The following TRDN variants were observed in gnomAD, a reference collection of about 807,000 sequenced individuals.
TRDN encodes triadin in skeletal muscle.
Under a neutral mutation model 149.7 loss-of-function variants are expected in TRDN, and 161 were observed. The ratio of observed to expected loss-of-function variants is 1.08; its 90% CI spans 0.95 to 1.23. The LOEUF (loss-of-function observed/expected upper bound fraction) is 1.23, where lower values mean the gene tolerates loss of function less well. Among genes scored for constraint, TRDN ranks in the 50% most tolerant of loss-of-function variants. The pLI is 0.00. For synonymous variants in TRDN, 294 were observed against 250.5 expected (o/e 1.17, Z -1.64); for missense variants, 896 against 823.5 (o/e 1.09, Z -1.08).
intron 5 of TRDN, among the ~76,000 whole-genome samples, chr6:123,529,603 A>C (rs1780128358): frequency 6.6e-6 from 1 of 152,062 alleles, no homozygotes; most frequent in Non-Finnish European, 1.5e-5. Flanking sequence ...ATTATTTGAA[A>C]ATTTACTAGC....
chr6:123,634,177 T>A (rs1786166860), intron 1 of TRDN, among the ~76,000 whole-genome samples: 1 of 151,990 alleles, frequency 6.6e-6, no homozygotes, highest in African/African-American at 2.4e-5. Context: ...TTGCCTGTAT[T>A]CCCAATGTTT....
chr6:123,308,946 G>T (rs1201641571), intron 24 of TRDN, among the ~76,000 whole-genome samples: 1 of 151,880 alleles, frequency 6.6e-6, no homozygotes, highest in Admixed American at 6.6e-5. Flanking sequence ...CATTAGTCAT[G>T]GCTCTAAATA....
intron 9 of TRDN, among the ~76,000 whole-genome samples, chr6:123,475,659 A>G (rs1250307560): frequency 7.6e-5 from 9 of 118,052 alleles, no homozygotes; most frequent in Admixed American, 2.7e-4. Flanking sequence ...AAAATCCTCA[A>G]TAAAATACTG....
intron 38 of TRDN, among the ~76,000 whole-genome samples, chr6:123,236,079 C>T (rs549662741): frequency 1.2e-3 from 190 of 152,242 alleles, no homozygotes; most frequent in African/African-American, 4.0e-3. Flanking sequence ...ACATAAGCAA[C>T]TCTCAGTTTT....
chr6:123,262,171 C>T lies in TRDN; in HGVS notation c.1805-1533G>A, dbSNP rs192638120. 9.9e-5 allele frequency among the ~76,000 whole-genome samples: 15 copies of T among 151,844 alleles called. No individual in the cohort carries two copies. In the East Asian group the frequency reaches 2.7e-3, roughly 27 times the overall value. ...ATTTTGAATTACAAAATAAAATGTA[C>T]CTCAGGGCTTTAAAAAAATTAGAAA... On this transcript the variant is annotated intron_variant, in intron 33 of 40. Coordinates refer to ENST00000334268, the MANE Select transcript of TRDN (RefSeq NM_006073.4).
intron 24 of TRDN, among the ~76,000 whole-genome samples, chr6:123,309,898 C>T (rs894915616): frequency 6.6e-6 from 1 of 151,926 alleles, no homozygotes; most frequent in Non-Finnish European, 1.5e-5. Context: ...CCACTATAAA[C>T]ACTTCCAGAT....
In TRDN at chr6:123,380,711, AGG is replaced by A. The variant is rs879552374; in HGVS notation, c.1186+657_1186+658del. 1.0e-3 allele frequency among the ~76,000 whole-genome samples: 62 copies of A among 62,132 alleles called. 1 individual carries two copies. The highest frequency in any genetic ancestry group is 4.9e-3 in the African/African-American group (54 of 10,958). The allele number at this position is 62,132 out of a possible 152,430, so 40.8% of individuals were successfully genotyped here. ...TTTAATAGTGTATTGAATAAGTTCA[AGG>A]GTTTTTTTTTTTTTTGCTTTCTTTT... On this transcript the variant is annotated intron_variant, in intron 16 of 40. Coordinates refer to ENST00000334268, the MANE Select transcript of TRDN (RefSeq NM_006073.4).
At chr6:123,439,860 G>A (rs1398423710) in intron 10 of TRDN, 1 of 152,134 alleles carries the variant, frequency 6.6e-6, no homozygotes, top group Non-Finnish European at 1.5e-5. Context: ...TTAGATTTGG[G>A]ACAATAATAG....
chr6:123,610,716 G>T (rs1367646791), intron 1 of TRDN, among the ~76,000 whole-genome samples: 1 of 152,138 alleles, frequency 6.6e-6, no homozygotes, highest in Non-Finnish European at 1.5e-5. Flanking sequence ...GACACCAAAT[G>T]CCTCCTCTTT....
At chr6:123,332,124 A>AT (rs1779681352) in intron 22 of TRDN, among the ~76,000 whole-genome samples, 195 bp from the exon 23 acceptor site, 1 of 152,046 alleles carries the variant, frequency 6.6e-6, no homozygotes. Context: ...TAAACTGATC[A>AT]TTTTTCCTTG....
chr6:123,259,733 A>G (rs1164242441), intron 34 of TRDN, 71 bp from the exon 35 acceptor site: 2 of 1,142,528 alleles, frequency 1.8e-6, no homozygotes, highest in Non-Finnish European at 2.5e-6. Context: ...TCTTGGAGTA[A>G]ACAGTTGGAG....
intron 29 of TRDN, among the ~76,000 whole-genome samples, chr6:123,271,762 C>A (rs1156964319): frequency 6.6e-6 from 1 of 151,942 alleles, no homozygotes; most frequent in African/African-American, 2.4e-5. Flanking sequence ...TCAAGCATTT[C>A]ACACTGGGTA....
intron 35 of TRDN, among the ~76,000 whole-genome samples, chr6:123,256,459 G>T (rs1582784386): frequency 6.6e-6 from 1 of 152,100 alleles, no homozygotes; most frequent in Non-Finnish European, 1.5e-5. Flanking sequence ...CATTGTAAAA[G>T]CATTCCTATA....
chr6:123,542,517 T>C (rs1780888439), intron 4 of TRDN, among the ~76,000 whole-genome samples: 2 of 152,344 alleles, frequency 1.3e-5, no homozygotes, highest in South Asian at 4.1e-4. Flanking sequence ...TATTATTATC[T>C]TCTAAAATTA....
chr6:123,390,611 T>G (rs895529589), intron 13 of TRDN, among the ~76,000 whole-genome samples: 5 of 152,116 alleles, frequency 3.3e-5, no homozygotes, highest in Non-Finnish European at 7.4e-5. Flanking sequence ...CAAGCTGGAT[T>G]CCAGGCCCAC....
At chr6:123,316,368 T>C in intron 24 of TRDN, 89 bp downstream of exon 24, 1 of 1,259,144 alleles carries the variant, frequency 7.9e-7, no homozygotes. Flanking sequence ...AAATATTTTA[T>C]CCAGCCAGGA....
intron 4 of TRDN, among the ~76,000 whole-genome samples, chr6:123,541,205 T>TGA (rs1226711706): frequency 1.3e-5 from 2 of 152,208 alleles, no homozygotes; most frequent in Non-Finnish European, 2.9e-5. Context: ...TGGTTGGGCC[T>TGA]GAGTTGAGTT....
rs76804229 is a variant in TRDN, at chr6:123,454,734, G to A, written c.931+10172C>T. 4.7e-3 allele frequency among the ~76,000 whole-genome samples: 715 copies of A among 152,290 alleles called. 3 individuals are homozygous for A. Among genetic ancestry groups the A allele is most frequent in the African/African-American group, 0.016 (667 of 41,570 alleles). On this transcript the variant is annotated intron_variant, in intron 10 of 40. Coordinates refer to ENST00000334268, the MANE Select transcript of TRDN (RefSeq NM_006073.4). The stretch of plus-strand genomic sequence containing the variant: ...CAGCAGCTGCATTAGATTCTCATAG[G>A]AGAGCAAACCCTCTTGTGAACTGCA...
At chr6:123,370,546 A>G (rs1427599229) in intron 19 of TRDN, among the ~76,000 whole-genome samples, 1 of 152,118 alleles carries the variant, frequency 6.6e-6, no homozygotes, top group Admixed American at 6.6e-5. Context: ...TCTGCTATGA[A>G]CATTCCTGCA....
Sources: allele counts gnomAD v4.1 joint callset (sites outside exome capture counted in the v4.1 genomes callset), GRCh38; gene constraint gnomAD v4.1.1; transcripts MANE v1.5; gene names NCBI Gene and HGNC (gene_info 2026-07-23, HGNC 2026-07-21).